ROBO1: variants seen among roughly 807,000 people sequenced by gnomAD.
ROBO1 encodes roundabout guidance receptor 1.
A neutral mutation model predicts 195.9 loss-of-function variants in ROBO1; 149 were observed. That is an observed-to-expected ratio of 0.76 (90% CI 0.67 to 0.87). The LOEUF (loss-of-function observed/expected upper bound fraction) is 0.87, where lower values mean the gene tolerates loss of function less well. Ranked by LOEUF, ROBO1 falls within the 40% of genes least tolerant of loss-of-function variation. ROBO1 has a pLI of 0.00. For synonymous variants in ROBO1, 816 were observed against 733.2 expected (o/e 1.11, Z -1.82); for missense variants, 1,933 against 2,068.3 (o/e 0.93, Z 1.27).
chr3:78,869,971 G>C (rs930287966), intron 4 of ROBO1, among the ~76,000 whole-genome samples: 3 of 152,072 alleles, frequency 2.0e-5, no homozygotes, highest in African/African-American at 7.2e-5. Context: ...AAAAAACTTG[G>C]ATTGCATTTT....
chr3:78,626,948 T>C (rs1156411028), intron 26 of ROBO1, among the ~76,000 whole-genome samples: 14 of 152,186 alleles, frequency 9.2e-5, no homozygotes. Flanking sequence ...AAAATCTGTT[T>C]TCTGCTGACC....
At chr3:78,970,177 A>AT (rs1322046737) in intron 3 of ROBO1, among the ~76,000 whole-genome samples, 1 of 152,182 alleles carries the variant, frequency 6.6e-6, no homozygotes, top group Non-Finnish European at 1.5e-5. Flanking sequence ...CATTATATTG[A>AT]TTTTGAATAT....
At chr3:78,887,771 G>A (rs749354729) in intron 4 of ROBO1, among the ~76,000 whole-genome samples, 3 of 152,082 alleles carry the variant, frequency 2.0e-5, no homozygotes, top group Admixed American at 2.0e-4. Context: ...GGCTAACCTG[G>A]TTGCTTGAGA....
chr3:78,886,606 A>T (rs1340998144), intron 4 of ROBO1, among the ~76,000 whole-genome samples: 1 of 151,820 alleles, frequency 6.6e-6, no homozygotes, highest in Non-Finnish European at 1.5e-5. Flanking sequence ...AGAAAAAAAA[A>T]ATTGTACTCT....
intron 14 of ROBO1, among the ~76,000 whole-genome samples, chr3:78,663,518 T>A (rs892424821): frequency 2.6e-5 from 4 of 152,074 alleles, no homozygotes; most frequent in Non-Finnish European, 4.4e-5. Context: ...CTGTCACCCA[T>A]CTCTAGGATA....
chr3:79,613,338 G>A (rs888205009), intron 1 of ROBO1, among the ~76,000 whole-genome samples: 1 of 151,852 alleles, frequency 6.6e-6, no homozygotes, highest in Non-Finnish European at 1.5e-5. Context: ...TAAAAGAAAC[G>A]TGCTATAAAT....
chr3:79,026,992 G>A (rs891423913), intron 3 of ROBO1, among the ~76,000 whole-genome samples: 1 of 151,916 alleles, frequency 6.6e-6, no homozygotes, highest in Admixed American at 6.6e-5. Context: ...CCTTCATTAT[G>A]TTTAGTCCCA....
At chr3:79,614,065 C>G (rs545203747) in intron 1 of ROBO1, among the ~76,000 whole-genome samples, 25 of 152,082 alleles carry the variant, frequency 1.6e-4, no homozygotes, top group Middle Eastern at 3.4e-3. Flanking sequence ...ATAACAGAGA[C>G]TTTTGTCTTA....
intron 10 of ROBO1, among the ~76,000 whole-genome samples, chr3:78,681,219 A>G (rs1292472356): frequency 2.6e-5 from 4 of 151,988 alleles, no homozygotes; most frequent in Non-Finnish European, 5.9e-5. Context: ...GCATTAGGAG[A>G]TATACCTAAT....
At position 79,586,698 on chromosome 3, in the gene ROBO1, T is replaced by C. The variant is rs921570115; in HGVS notation, c.88+3126A>G. On this transcript the variant is annotated intron_variant, in intron 2 of 30. Coordinates refer to ENST00000464233, the MANE Select transcript of ROBO1 (RefSeq NM_002941.4). ...TTAATTTTTTAATTAAATTCCACTA[T>C]ATGTGAAATATATGCTTTAATAACA... 1.3e-4 allele frequency among the ~76,000 whole-genome samples: 20 copies of C among 152,024 alleles called. 1 individual carries two copies. Among genetic ancestry groups the C allele is most frequent in the African/African-American group, 4.8e-4 (20 of 41,546 alleles).
At chr3:79,044,550 GT>G (rs2078553574) in intron 3 of ROBO1, among the ~76,000 whole-genome samples, 1 of 152,018 alleles carries the variant, frequency 6.6e-6, no homozygotes, top group African/African-American at 2.4e-5. Context: ...AACCAATAAT[GT>G]GATAATAAAT....
rs183698023 is a variant in ROBO1 at position 79,049,933 on chromosome 3, G to T, written c.172+75523C>A. On this transcript the variant is annotated intron_variant, in intron 3 of 30. Transcript: ENST00000464233. ...AAAGGAAAAACCAGCACCAGCCACTGAAAAACATGCCAAATTGTCAAGACC... is the reference window on the plus strand; with the variant it reads ...AAAGGAAAAACCAGCACCAGCCACTTAAAAACATGCCAAATTGTCAAGACC... 2.1e-3 allele frequency among the ~76,000 whole-genome samples: 325 copies of T among 152,224 alleles called. 1 individual carries two copies. Among genetic ancestry groups the T allele is most frequent in the Non-Finnish European group, 2.4e-3 (161 of 68,002 alleles).
intron 8 of ROBO1, chr3:78,693,368 C>CAA: frequency 1.0e-5 from 16 of 1,525,978 alleles, no homozygotes; most frequent in Non-Finnish European, 1.2e-5. Context: ...TAAAACAAAA[C>CAA]AAAAAAAGAA....
At chr3:79,035,415 G>A (rs1430138165) in intron 3 of ROBO1, among the ~76,000 whole-genome samples, 4 of 152,078 alleles carry the variant, frequency 2.6e-5, no homozygotes, top group Middle Eastern at 3.2e-3. Context: ...AATTATTGAC[G>A]ATATCCATGA....
chr3:79,702,217 T>G (rs904821462), intron 1 of ROBO1, among the ~76,000 whole-genome samples: 7 of 151,758 alleles, frequency 4.6e-5, no homozygotes, highest in Non-Finnish European at 1.0e-4. Flanking sequence ...ACAGCTGAAA[T>G]GGTAAAAGCA....
chr3:78,607,273 C>T (rs140673295), intron 28 of ROBO1: 30 of 477,722 alleles, frequency 6.3e-5, no homozygotes, highest in Non-Finnish European at 7.8e-5. Flanking sequence ...AGTGCAGGTG[C>T]GCAGTCTCAG....
chr3:79,204,294 T>C (rs932640059), intron 2 of ROBO1, among the ~76,000 whole-genome samples: 1 of 152,236 alleles, frequency 6.6e-6, no homozygotes, highest in African/African-American at 2.4e-5. Flanking sequence ...CCGACTGAAC[T>C]ATCAAATATC....
At position 78,636,002 on chromosome 3, in the gene ROBO1, A is replaced by G; in HGVS notation, c.3144T>C (p.Asn1048=). 1 of 1,613,912 alleles carries G rather than the reference A, an allele frequency of 6.2e-7. No homozygotes were observed. Among genetic ancestry groups the G allele is most frequent in the Non-Finnish European group, 8.5e-7 (1 of 1,179,834 alleles). ...YGDVDLSNKI[N]EMKTFNSPNL... Reference sequence around the variant, plus strand: ...TTGGGCTATTGAAGGTTTTCATCTCATTGATTTTGTTACTAAGGTCCACAT... The same window carrying G: ...TTGGGCTATTGAAGGTTTTCATCTCGTTGATTTTGTTACTAAGGTCCACAT... Residue 1048 remains asparagine, a synonymous_variant, in exon 23 of 31, where the codon AAT becomes AAC. Coordinates refer to ENST00000464233, the MANE Select transcript of ROBO1 (RefSeq NM_002941.4).
At chr3:78,660,662 A>G (rs745840564) in intron 16 of ROBO1, 9 of 175,314 alleles carry the variant, frequency 5.1e-5, no homozygotes, top group Non-Finnish European at 9.7e-5. Context: ...AAATCAACAC[A>G]TTATTCAAAT....
Sources: gnomAD v4.1 joint callset for allele counts (sites outside exome capture counted in the v4.1 genomes callset) on GRCh38, gnomAD v4.1.1 for gene constraint, MANE v1.5 for transcripts, NCBI Gene and HGNC (gene_info 2026-07-23, HGNC 2026-07-21) for gene names.